DOCK1: variants seen among roughly 807,000 people sequenced by gnomAD.
DOCK1 encodes dedicator of cytokinesis protein 1.
Under a neutral mutation model 262.7 loss-of-function variants are expected in DOCK1, and 138 were observed. That is an observed-to-expected ratio of 0.53 (90% confidence interval 0.46 to 0.61). The LOEUF (loss-of-function observed/expected upper bound fraction) is 0.61, where lower values mean the gene tolerates loss of function less well. Among genes scored for constraint, DOCK1 ranks in the 20% least tolerant of loss-of-function variants. The pLI is 0.00. For missense variants in DOCK1, 1,908 were observed against 2,370.7 expected (o/e 0.80, Z 4.05); for synonymous variants, 866 against 867.4 (o/e 1.00, Z 0.03).
chr10:127,170,288 T>C (rs1240534208), intron 27 of DOCK1, among the ~76,000 whole-genome samples: 1 of 152,172 alleles, frequency 6.6e-6, no homozygotes, highest in Non-Finnish European at 1.5e-5. Context: ...CTCAGGGTCT[T>C]ATCACTACCT....
chr10:127,150,923 G>T (rs544412677), intron 27 of DOCK1, among the ~76,000 whole-genome samples: 1 of 152,170 alleles, frequency 6.6e-6, no homozygotes, highest in African/African-American at 2.4e-5. Flanking sequence ...CAAAGAAAAC[G>T]TCTGGGCCTC....
intron 29 of DOCK1, among the ~76,000 whole-genome samples, chr10:127,261,232 CGTGTGTGTACCTGCATGTGTGTGCAT>C (rs1564944834): frequency 1.2e-5 from 1 of 81,218 alleles, no homozygotes; most frequent in Non-Finnish European, 2.2e-5. Context: ...TGTGGGTGTG[CGTGTGTGTACCTGCATGTGTGTGCAT>C]GTGGGTGTGT....
intron 29 of DOCK1, among the ~76,000 whole-genome samples, chr10:127,308,275 G>T (rs1360358519): frequency 1.3e-5 from 2 of 152,182 alleles, no homozygotes; most frequent in Admixed American, 6.5e-5. Context: ...CTTCAGTGTG[G>T]GGCCTGGCCT....
chr10:126,925,806 C>T (rs113081284), intron 1 of DOCK1, among the ~76,000 whole-genome samples: 76 of 150,666 alleles, frequency 5.0e-4, no homozygotes, highest in African/African-American at 1.8e-3. Flanking sequence ...GTCTACAACT[C>T]CAGGCTATAG....
chr10:127,394,711 T>C (rs2066714116), intron 38 of DOCK1, among the ~76,000 whole-genome samples: 1 of 152,106 alleles, frequency 6.6e-6, no homozygotes, highest in African/African-American at 2.4e-5. Flanking sequence ...CATTTTCGAG[T>C]CAGTAACAAC....
intron 28 of DOCK1, among the ~76,000 whole-genome samples, chr10:127,249,455 ACACACACG>A (rs955953917): frequency 6.6e-6 from 1 of 151,280 alleles, no homozygotes; most frequent in African/African-American, 2.4e-5. Flanking sequence ...ACACACACAC[ACACACACG>A]CAGTCGTGTG....
chr10:127,175,404 A>C lies in DOCK1; in HGVS notation c.2847+47640A>C, dbSNP rs2054994742. ...CGCTGTGGGACTAGGCTGGTTCCCC[A>C]GCCCCGGCGGGGTGTGAGTCTGCGA... On this transcript the variant is annotated intron_variant, in intron 27 of 51. Transcript: ENST00000623213. The surrounding 1 kb of genome is among the most constrained non-coding windows in gnomAD (Gnocchi z 6.3). 2 of 1,613,498 alleles carry C rather than the reference A, an allele frequency of 1.2e-6. No homozygotes were observed. Among genetic ancestry groups the C allele is most frequent in the South Asian group, 1.1e-5 (1 of 91,088 alleles).
intron 35 of DOCK1, among the ~76,000 whole-genome samples, chr10:127,378,436 G>A (rs1019139345): frequency 1.1e-4 from 17 of 152,114 alleles, no homozygotes; most frequent in African/African-American, 4.1e-4. Flanking sequence ...AAGGCTGCCC[G>A]CGGAGCCCAG....
chr10:127,441,985 C>T (rs1029505470), intron 49 of DOCK1, among the ~76,000 whole-genome samples: 1 of 152,148 alleles, frequency 6.6e-6, no homozygotes, highest in African/African-American at 2.4e-5. Flanking sequence ...CCAAATCTCT[C>T]TTGCCAGCAC....
intron 1 of DOCK1, among the ~76,000 whole-genome samples, chr10:126,911,036 A>C (rs1283025325): frequency 1.3e-5 from 2 of 152,184 alleles, no homozygotes; most frequent in Admixed American, 1.3e-4. Context: ...TGTGAACCTA[A>C]GTCTTCATTT....
chr10:127,111,468 A>T (rs961678437), intron 25 of DOCK1, among the ~76,000 whole-genome samples: 3 of 152,152 alleles, frequency 2.0e-5, no homozygotes, highest in African/African-American at 7.2e-5. Flanking sequence ...TGGGACTCAA[A>T]GCACATGACG....
chr10:127,014,911 A>C (rs1461255189), intron 12 of DOCK1: 6 of 152,288 alleles, frequency 3.9e-5, no homozygotes, highest in Non-Finnish European at 8.8e-5. Flanking sequence ...TGTGAATTAG[A>C]AAAAGGGGCC....
chr10:126,905,741 C>T (rs572259089), intron 1 of DOCK1, among the ~76,000 whole-genome samples, 178 bp downstream of exon 1: 135 of 150,342 alleles, frequency 9.0e-4, no homozygotes, highest in Non-Finnish European at 1.4e-3. Context: ...CGCCCCGCGC[C>T]CCCGGCGGCG....
intron 1 of DOCK1, among the ~76,000 whole-genome samples, chr10:126,924,767 C>A (rs2033548545): frequency 6.6e-6 from 1 of 152,296 alleles, no homozygotes; most frequent in African/African-American, 2.4e-5. Flanking sequence ...CCTCTTTGAT[C>A]TCTGTGATTT....
chr10:127,384,154 G>A (rs2065975158), intron 37 of DOCK1, among the ~76,000 whole-genome samples: 1 of 152,158 alleles, frequency 6.6e-6, no homozygotes. Flanking sequence ...CTGATGTGTT[G>A]AGCCCAAGTT....
chr10:127,114,292 C>A (rs1592080417), intron 25 of DOCK1, among the ~76,000 whole-genome samples: 2 of 152,118 alleles, frequency 1.3e-5, no homozygotes, highest in East Asian at 1.9e-4. Context: ...AACCAGGAGG[C>A]AGTACAGAGA....
intron 25 of DOCK1, among the ~76,000 whole-genome samples, chr10:127,120,201 CGGTCCTGGA>C (rs2049464383): frequency 6.6e-6 from 1 of 152,182 alleles, no homozygotes; most frequent in African/African-American, 2.4e-5. Context: ...CAAGCACTGG[CGGTCCTGGA>C]GTCACGTACG....
At position 127,176,552 on chromosome 10, in the gene DOCK1, G is replaced by T. The variant is rs538821100; in HGVS notation, c.2847+48788G>T. Among the ~76,000 whole-genome samples the T allele has an allele frequency of 2.0e-5, 3 of 152,238 alleles. No individual in the cohort carries two copies. The South Asian group carries it at 6.2e-4, about 32-fold the overall frequency. On this transcript the variant is annotated intron_variant, in intron 27 of 51. Coordinates refer to ENST00000623213, the MANE Select transcript of DOCK1 (RefSeq NM_001290223.2). The surrounding 1 kb of genome is among the most constrained non-coding windows in gnomAD (Gnocchi z 4.4). ...GCCTTTATGTTAAGGAAAATCACAC[G>T]GGCTGAGAGTCGCTGGCAGCACAGC...
At chr10:127,235,009 T>C (rs2058996005) in intron 27 of DOCK1, among the ~76,000 whole-genome samples, 1 of 148,448 alleles carries the variant, frequency 6.7e-6, no homozygotes, top group African/African-American at 2.4e-5. Flanking sequence ...TAAATACATA[T>C]AAGTATATAT....
Sources: gnomAD v4.1 joint callset for allele counts (sites outside exome capture counted in the v4.1 genomes callset) on GRCh38, gnomAD v4.1.1 for gene constraint, Gnocchi (gnomAD v3.1) non-coding constraint, MANE v1.5 for transcripts, NCBI Gene and HGNC (gene_info 2026-07-23, HGNC 2026-07-21) for gene names.